The following ZNF704 variants were observed in gnomAD, a reference collection of about 807,000 sequenced individuals.
ZNF704 encodes the protein glucocorticoid induced gene 1.
Under a neutral mutation model 44.7 loss-of-function variants are expected in ZNF704, and 10 were observed. That is an observed-to-expected ratio of 0.22 (90% CI 0.14 to 0.38). ZNF704 has a LOEUF of 0.38. Among genes scored for constraint, ZNF704 ranks in the 10% least tolerant of loss-of-function variants. The pLI, the probability that ZNF704 is intolerant of heterozygous loss-of-function variation, is 1.00. For synonymous variants in ZNF704, 211 were observed against 207.6 expected (o/e 1.02, Z -0.14); for missense variants, 390 against 545.5 (o/e 0.71, Z 2.84).
At chr8:80,851,065 A>G (rs986227944) in intron 1 of ZNF704, among the ~76,000 whole-genome samples, 3 of 152,216 alleles carry the variant, frequency 2.0e-5, no homozygotes, top group Non-Finnish European at 4.4e-5. Flanking sequence ...GCTATATGGT[A>G]TAGCCCATTG....
intron 1 of ZNF704, among the ~76,000 whole-genome samples, chr8:80,866,815 T>TG (rs939081259): frequency 2.6e-5 from 4 of 152,104 alleles, no homozygotes; most frequent in Middle Eastern, 3.2e-3. Flanking sequence ...CTGTGTTAGA[T>TG]GGGGTATCAC....
At chr8:80,774,999 C>A (rs1382269525) in intron 2 of ZNF704, among the ~76,000 whole-genome samples, 1 of 152,124 alleles carries the variant, frequency 6.6e-6, no homozygotes, top group Non-Finnish European at 1.5e-5. Context: ...TACCTTTCAT[C>A]TTTATATTTT....
rs1817738926 is a variant in ZNF704, at chr8:80,641,302, A to G, written c.*64T>C. The G allele has an allele frequency of 8.8e-7, 1 of 1,133,862 alleles. No homozygotes were observed. The highest frequency in any genetic ancestry group is 2.5e-5 in the East Asian group (1 of 40,416). The allele number at this position is 1,133,862 out of a possible 1,614,324, so 70.2% of individuals were successfully genotyped here. On this transcript the variant is annotated 3_prime_UTR_variant, in exon 9 of 9. Coordinates refer to ENST00000327835, the MANE Select transcript of ZNF704 (RefSeq NM_001033723.3). ...TTCAGTAGGAAAAGCTCTTTCCAAC[A>G]CCTGCAGTGGCAGGCCAGGGCAGGA... is the stretch of plus-strand genomic sequence containing the variant.
chr8:80,884,223 G>A, the ZNF704 span, among the ~76,000 whole-genome samples: 2 of 152,214 alleles, frequency 1.3e-5, no homozygotes, highest in Non-Finnish European at 2.9e-5. Context: ...CCTTCCGGTC[G>A]ACAATGTGCA....
At chr8:80,712,890 G>C (rs186631617) in intron 2 of ZNF704, among the ~76,000 whole-genome samples, 11 of 151,800 alleles carry the variant, frequency 7.2e-5, no homozygotes, top group Admixed American at 6.6e-4. Context: ...TTGTTTGTTT[G>C]TTTTGGTTTG....
chr8:80,863,784 G>T (rs1007104782), intron 1 of ZNF704, among the ~76,000 whole-genome samples: 1 of 152,186 alleles, frequency 6.6e-6, no homozygotes, highest in Non-Finnish European at 1.5e-5. Flanking sequence ...AGCGTTGACA[G>T]AAAATGTATC....
At chr8:80,777,424 G>A (rs1418826547) in intron 2 of ZNF704, among the ~76,000 whole-genome samples, 2 of 152,100 alleles carry the variant, frequency 1.3e-5, no homozygotes, top group African/African-American at 4.8e-5. Flanking sequence ...TTTGAACAAT[G>A]TCAAACCTAC....
chr8:80,661,371 G>A (rs928224645), intron 6 of ZNF704, among the ~76,000 whole-genome samples: 4 of 152,120 alleles, frequency 2.6e-5, no homozygotes, highest in Non-Finnish European at 5.9e-5. Context: ...CACCTATTAT[G>A]GAAAACAGTA....
chr8:80,641,371 C>T lies in ZNF704; in HGVS notation c.1234G>A (p.Asp412Asn), dbSNP rs756699468. 10 of 1,610,902 alleles carry T rather than the reference C, an allele frequency of 6.2e-6. No homozygotes were observed. The highest frequency in any genetic ancestry group is 2.2e-5 in the East Asian group (1 of 44,770). Residue 412 changes from aspartate (D) to asparagine (N), a missense_variant, in exon 9 of 9, where the codon GAC (aspartate) becomes AAC (asparagine). Coordinates refer to ENST00000327835, the MANE Select transcript of ZNF704 (RefSeq NM_001033723.3). ...RWKKACQRFL[D>N] is the part of the protein sequence containing the mutation. ...CCCCTCTGCCTGGGGGTCTCTCAGTCGAGGAACCTCTGGCAGGCCTTCTTC... is the reference window on the plus strand; with the variant it reads ...CCCCTCTGCCTGGGGGTCTCTCAGTTGAGGAACCTCTGGCAGGCCTTCTTC...
intron 2 of ZNF704, among the ~76,000 whole-genome samples, chr8:80,755,313 C>G (rs113924631): frequency 0.087 from 13,145 of 151,948 alleles, 720 homozygotes; most frequent in African/African-American, 0.15. Flanking sequence ...AAATTAGCCA[C>G]GTGTGGTGGT....
chr8:80,746,105 G>A (rs112132748), intron 2 of ZNF704, among the ~76,000 whole-genome samples: 26 of 152,280 alleles, frequency 1.7e-4, no homozygotes, highest in African/African-American at 6.0e-4. Context: ...TCTACTTTAT[G>A]CTTTCAGGTA....
At chr8:80,682,556 C>A (rs1425266110) in intron 4 of ZNF704, among the ~76,000 whole-genome samples, 3 of 152,172 alleles carry the variant, frequency 2.0e-5, no homozygotes, top group Non-Finnish European at 2.9e-5. Flanking sequence ...TGCAGGGGGG[C>A]TAATGCACAC....
chr8:80,754,575 A>C (rs1807003641), intron 2 of ZNF704, among the ~76,000 whole-genome samples: 1 of 152,244 alleles, frequency 6.6e-6, no homozygotes, highest in African/African-American at 2.4e-5. Context: ...ATTCCAGTTT[A>C]GGATTTCATA....
chr8:80,729,541 T>A (rs1265909508), intron 2 of ZNF704, among the ~76,000 whole-genome samples: 1 of 152,190 alleles, frequency 6.6e-6, no homozygotes, highest in African/African-American at 2.4e-5. Flanking sequence ...GGCATCCTCT[T>A]CTTGGGTCCC....
intron 1 of ZNF704, among the ~76,000 whole-genome samples, chr8:80,870,253 C>A (rs1250364905): frequency 6.6e-6 from 1 of 152,200 alleles, no homozygotes; most frequent in Non-Finnish European, 1.5e-5. Flanking sequence ...CCACATAATT[C>A]CCATGATGCT....
chr8:80,784,958 T>C (rs1807591250), intron 2 of ZNF704, among the ~76,000 whole-genome samples: 1 of 140,530 alleles, frequency 7.1e-6, no homozygotes, highest in South Asian at 2.1e-4. Flanking sequence ...TCCCCTATTA[T>C]CTTACATTAG....
chr8:80,636,857 TG>T lies in ZNF704; in HGVS notation c.*4508del, dbSNP rs1391853988. Reference sequence around the variant, plus strand: ...GCAGCACCTTGTCCACAAAAGTCCATGGAAGTTTGTTCGCTAACATGCTATT... The same window carrying T: ...GCAGCACCTTGTCCACAAAAGTCCATGAAGTTTGTTCGCTAACATGCTATT... On this transcript the variant is annotated 3_prime_UTR_variant, in exon 9 of 9. Transcript: ENST00000327835. 1 of 152,232 alleles carries T rather than the reference TG, an allele frequency of 6.6e-6. No homozygotes were observed. Among genetic ancestry groups the T allele is most frequent in the Non-Finnish European group, 1.5e-5 (1 of 68,034 alleles). The allele number at this position is 152,232 out of a possible 1,614,324, so 9.4% of individuals were successfully genotyped here.
At chr8:80,692,850 TGGGG>T (rs1379756140) in intron 3 of ZNF704, among the ~76,000 whole-genome samples, 150 bp downstream of exon 3, 2 of 152,230 alleles carry the variant, frequency 1.3e-5, no homozygotes, top group Non-Finnish European at 2.9e-5. Context: ...CTGACAGCTC[TGGGG>T]GCCTCGACTT....
chr8:80,637,909 A>G lies in ZNF704; in HGVS notation c.*3457T>C, dbSNP rs1817686599. On this transcript the variant is annotated 3_prime_UTR_variant, in exon 9 of 9. Transcript: ENST00000327835. ...CTCAGGCTAGGCACAGCAGCCCTGC[A>G]CTCTTGGCCGGAGGTACTTCCCTTC... 6.6e-6 allele frequency: 1 copy of G among 152,148 alleles called. No homozygotes were observed. Among genetic ancestry groups the G allele is most frequent in the Non-Finnish European group, 1.5e-5 (1 of 68,070 alleles). The allele number at this position is 152,148 out of a possible 1,614,324, so 9.4% of individuals were successfully genotyped here.
Sources: allele counts gnomAD v4.1 joint callset (sites outside exome capture counted in the v4.1 genomes callset), GRCh38; gene constraint gnomAD v4.1.1; transcripts MANE v1.5; gene names NCBI Gene and HGNC (gene_info 2026-07-23, HGNC 2026-07-21).